PHLPP1: variants seen among roughly 807,000 people sequenced by gnomAD.
PHLPP1 encodes PH domain leucine-rich repeat-containing protein phosphatase 1.
In PHLPP1, 42 loss-of-function variants were observed where a neutral mutation model predicts 117.2. The observed-to-expected ratio is 0.36, with a 90% CI of 0.28 to 0.46. The LOEUF is 0.46. Ranked by LOEUF, PHLPP1 falls within the 20% of genes least tolerant of loss-of-function variation. PHLPP1 has a pLI of 1.00. For missense variants in PHLPP1, 2,084 were observed against 2,241.9 expected, an observed-to-expected ratio of 0.93 and a Z score of 1.42; for synonymous variants, 1,042 against 970.7, an observed-to-expected ratio of 1.07 and a Z score of -1.37.
At chr18:62,929,809 C>A (rs1302347328) in intron 10 of PHLPP1, among the ~76,000 whole-genome samples, 1 of 152,014 alleles carries the variant, frequency 6.6e-6, no homozygotes, top group East Asian at 1.9e-4. Context: ...ATTAGCCAGG[C>A]ATGGTTACAT....
At chr18:62,902,908 C>T in intron 6 of PHLPP1, 56 bp from the exon 7 acceptor site, 1 of 1,012,928 alleles carries the variant, frequency 9.9e-7, no homozygotes, top group Admixed American at 1.8e-5. Context: ...TTAGGGTGTG[C>T]CCATTTACTT....
Position 62,978,574 on chromosome 18 carries a change from G to A in PHLPP1, c.4297G>A (p.Glu1433Lys), listed in dbSNP as rs781162646. 3.1e-6 allele frequency: 5 copies of A among 1,613,268 alleles called. No individual in the cohort carries two copies. The highest frequency in any genetic ancestry group is 3.4e-6 in the Non-Finnish European group (4 of 1,179,566). Residue 1433 changes from glutamate to lysine, a missense_variant, in exon 17 of 17, where the codon GAG (glutamate) becomes AAG (lysine). Glu to Lys is a moderately conservative substitution (Grantham distance 56, BLOSUM62 1). Around this residue, in one of 2 missense-constraint regions of PHLPP1, gnomAD observed 1,365 missense variants for 1,605.9 expected, o/e 0.85. Transcript: ENST00000262719. The surrounding 1 kb of genome is among the most constrained non-coding windows in gnomAD (Gnocchi z 7.0). ...CACTGAGGACAGCTTCTGCTGCTGC[G>A]AGCTCAGCGCCGGTGGGGCTGTGCC... The part of the protein sequence containing the change: ...SVTEDSFCCC[E>K]LSAGGAVPPP...
At chr18:62,781,802 G>A (rs1297469232) in intron 1 of PHLPP1, among the ~76,000 whole-genome samples, 1 of 152,026 alleles carries the variant, frequency 6.6e-6, no homozygotes, top group Non-Finnish European at 1.5e-5. Context: ...TTGATTTATT[G>A]TATTTTCTTA....
In PHLPP1 at chr18:62,849,816, A is replaced by T. The variant is rs1305601390; in HGVS notation, c.1900-10619A>T. ...TCTCTACAAAAAAAAAAAAAAAAAA[A>T]AAAAAAAAAAAAAAAAATATATATA... is the stretch of plus-strand genomic sequence containing the variant. On this transcript the variant is annotated intron_variant, in intron 3 of 16. Coordinates refer to ENST00000262719, the MANE Select transcript of PHLPP1 (RefSeq NM_194449.4). Among the ~76,000 whole-genome samples the T allele has an allele frequency of 3.5e-3, 158 of 45,376 alleles. 2 individuals are homozygous for T. Among genetic ancestry groups the T allele is most frequent in the African/African-American group, 0.013 (151 of 11,364 alleles). 29.8% of individuals were successfully genotyped at this position (45,376 alleles called of 152,430 possible). A position where few individuals can be genotyped will look rare whatever the true frequency, so the allele number is the denominator to read the frequency against.
intron 1 of PHLPP1, among the ~76,000 whole-genome samples, chr18:62,736,913 C>A (rs1259054006): frequency 2.6e-5 from 4 of 152,100 alleles, no homozygotes; most frequent in African/African-American, 7.2e-5. Flanking sequence ...AAAATAAATG[C>A]TAGCACTAGC....
rs370867403 is a variant in PHLPP1, at chr18:62,958,610, G to T, written c.3325-19G>T. 1 of 1,613,228 alleles carries T rather than the reference G, an allele frequency of 6.2e-7. No homozygotes were observed. The highest frequency in any genetic ancestry group is 1.3e-5 in the African/African-American group (1 of 74,894). On this transcript the variant is annotated intron_variant, in intron 12 of 16. Transcript: ENST00000262719. Reference sequence around the variant, plus strand: ...TCTCTAGACCATCTCTTTCTTGTTTGCACTTGTTCTTTTTTCAGTGTGTGG... The same window carrying T: ...TCTCTAGACCATCTCTTTCTTGTTTTCACTTGTTCTTTTTTCAGTGTGTGG...
At chr18:62,925,025 G>C (rs1318974468) in intron 10 of PHLPP1, among the ~76,000 whole-genome samples, 3 of 151,848 alleles carry the variant, frequency 2.0e-5, no homozygotes, top group Admixed American at 2.0e-4. Context: ...CATGGGCCTA[G>C]ATTTCTCATT....
At chr18:62,905,351 T>C (rs1916820861) in intron 8 of PHLPP1, 67 bp downstream of exon 8, 1 of 763,408 alleles carries the variant, frequency 1.3e-6, no homozygotes, top group African/African-American at 1.8e-5. Context: ...CTGTCTGAGC[T>C]TATGCACAAG....
intron 1 of PHLPP1, among the ~76,000 whole-genome samples, chr18:62,806,433 G>GC (rs983935225): frequency 6.6e-5 from 10 of 152,224 alleles, no homozygotes; most frequent in African/African-American, 2.4e-4. Flanking sequence ...AAGGCATAAG[G>GC]CATAAAAATG....
chr18:62,923,402 C>T (rs1314345277), intron 10 of PHLPP1, among the ~76,000 whole-genome samples: 1 of 152,116 alleles, frequency 6.6e-6, no homozygotes, highest in Non-Finnish European at 1.5e-5. Flanking sequence ...CTTTGTTTTC[C>T]AAGCTGTAAT....
chr18:62,952,527 T>G (rs1038826279), intron 12 of PHLPP1, among the ~76,000 whole-genome samples: 9 of 152,156 alleles, frequency 5.9e-5, no homozygotes, highest in African/African-American at 2.2e-4. Context: ...GTATGTAAAT[T>G]TAAAAGGAAT....
At chr18:62,963,552 C>G in intron 14 of PHLPP1, 80 bp downstream of exon 14, 1 of 849,538 alleles carries the variant, frequency 1.2e-6, no homozygotes, top group Non-Finnish European at 1.9e-6. Context: ...AAACTCAGTG[C>G]TGTAGCACAC....
Position 62,885,772 on chromosome 18 carries a change from C to G in PHLPP1, c.2067-9239C>G, listed in dbSNP as rs1347208905. 2.6e-5 allele frequency among the ~76,000 whole-genome samples: 4 copies of G among 152,240 alleles called. No individual in the cohort carries two copies. In the East Asian group the frequency reaches 7.7e-4, roughly 29 times the overall value. On this transcript the variant is annotated intron_variant, in intron 4 of 16. Transcript: ENST00000262719. Reference sequence around the variant, plus strand: ...TTTTCTGATTAAGAAACTAAACACTCTTTCCTTTTATAAATAATTTGCTTA... The same window carrying G: ...TTTTCTGATTAAGAAACTAAACACTGTTTCCTTTTATAAATAATTTGCTTA...
chr18:62,798,498 A>G (rs1418483015), intron 1 of PHLPP1, among the ~76,000 whole-genome samples: 1 of 152,222 alleles, frequency 6.6e-6, no homozygotes, highest in Non-Finnish European at 1.5e-5. Context: ...TGACTCACAG[A>G]AGTGCCCTAC....
intron 3 of PHLPP1, chr18:62,839,977 T>C (rs1290477300): frequency 6.6e-6 from 1 of 151,808 alleles, no homozygotes; most frequent in South Asian, 2.1e-4. Flanking sequence ...GTTTTTGAAA[T>C]GACAAAATCT....
chr18:62,799,301 C>T (rs1333708665), intron 1 of PHLPP1, among the ~76,000 whole-genome samples: 1 of 152,168 alleles, frequency 6.6e-6, no homozygotes, highest in African/African-American at 2.4e-5. Context: ...ATGGGGGCCA[C>T]TGTTGGTAGC....
chr18:62,918,429 A>AATAAATAAATAAATATAT (rs375057055), intron 9 of PHLPP1, among the ~76,000 whole-genome samples: 1 of 140,458 alleles, frequency 7.1e-6, no homozygotes, highest in African/African-American at 2.7e-5. Flanking sequence ...GTAAAGGATA[A>AATAAATAAATAAATATAT]ATATATATAT....
At chr18:62,977,295 T>A (rs996673126) in intron 16 of PHLPP1, among the ~76,000 whole-genome samples, 2 of 152,108 alleles carry the variant, frequency 1.3e-5, no homozygotes, top group African/African-American at 4.8e-5. Flanking sequence ...AAACACTTTG[T>A]CATCCCAGAC....
intron 1 of PHLPP1, among the ~76,000 whole-genome samples, chr18:62,800,135 A>C (rs1913737262): frequency 6.6e-6 from 1 of 152,094 alleles, no homozygotes; most frequent in Non-Finnish European, 1.5e-5. Flanking sequence ...GCCACCTAAT[A>C]GGGAGGGTGT....
Sources: allele counts gnomAD v4.1 joint callset (sites outside exome capture counted in the v4.1 genomes callset), GRCh38; gene constraint gnomAD v4.1.1; regional missense constraint gnomAD v4.1.1; non-coding constraint Gnocchi (gnomAD v3.1); transcripts MANE v1.5; gene names NCBI Gene and HGNC (gene_info 2026-07-23, HGNC 2026-07-21).